The following SLC39A6 variants were observed in gnomAD, a reference collection of about 807,000 sequenced individuals.
SLC39A6 encodes the protein solute carrier family 39 member 6.
SLC39A6 carries 51 observed loss-of-function variants against 63.5 expected under a neutral mutation model. The observed-to-expected ratio is 0.80, with a 90% CI of 0.64 to 1.01. The LOEUF (loss-of-function observed/expected upper bound fraction) is 1.01, where lower values mean the gene tolerates loss of function less well. Among genes scored for constraint, SLC39A6 ranks in the 50% least tolerant of loss-of-function variants. The pLI is 0.00. For synonymous variants in SLC39A6, 318 were observed against 324.7 expected (o/e 0.98, Z 0.22); for missense variants, 805 against 927.8 (o/e 0.87, Z 1.72).
chr18:36,109,855 T>C (rs1260994341), intron 9 of SLC39A6, 110 bp from the exon 10 acceptor site: 1 of 797,470 alleles, frequency 1.3e-6, no homozygotes, highest in Non-Finnish European at 2.0e-6. Context: ...TGTAGCTAGA[T>C]ATACTGTGAG....
intron 1 of SLC39A6, among the ~76,000 whole-genome samples, chr18:36,128,338 G>A (rs1420211831): frequency 1.3e-5 from 2 of 152,180 alleles, no homozygotes; most frequent in African/African-American, 4.8e-5. Flanking sequence ...CTGTTCTTTG[G>A]ACAGGGCTCT....
intron 9 of SLC39A6, among the ~76,000 whole-genome samples, chr18:36,110,094 G>C (rs890473358): frequency 3.3e-5 from 5 of 152,146 alleles, no homozygotes; most frequent in African/African-American, 1.2e-4. Context: ...TTCAGAGATA[G>C]AAAACCTTAT....
At position 36,125,421 on chromosome 18, in the gene SLC39A6, A is replaced by AT. The variant is rs1434971026; in HGVS notation, c.790-722dup. The stretch of plus-strand genomic sequence containing the variant: ...CCAGTTTCTCATCTTCTGTAAAGAC[A>AT]TTTTCAACTCCCACCACAATTCTCA... On this transcript the variant is annotated intron_variant, in intron 2 of 9. Coordinates refer to ENST00000269187, the MANE Select transcript of SLC39A6 (RefSeq NM_012319.4). Among the ~76,000 whole-genome samples the AT allele has an allele frequency of 2.0e-5, 3 of 152,020 alleles. No individual in the cohort carries two copies. The East Asian group carries it at 5.8e-4, about 29-fold the overall frequency.
chr18:36,114,704 C>T (rs1256602267), intron 6 of SLC39A6, among the ~76,000 whole-genome samples: 2 of 152,136 alleles, frequency 1.3e-5, no homozygotes, highest in Non-Finnish European at 2.9e-5. Context: ...AAATGTTAAC[C>T]TTCAATAACT....
chr18:36,118,467 A>AT (rs545886654), intron 5 of SLC39A6, among the ~76,000 whole-genome samples: 227 of 152,316 alleles, frequency 1.5e-3, no homozygotes, highest in Non-Finnish European at 3.0e-3. Flanking sequence ...AAAAAATATA[A>AT]CTTATACCAA....
intron 2 of SLC39A6, among the ~76,000 whole-genome samples, chr18:36,125,350 G>GAAAAAAAAAAA (rs72307025): frequency 3.0e-5 from 4 of 134,042 alleles, no homozygotes; most frequent in Non-Finnish European, 3.2e-5. Context: ...AGCCAAAAAA[G>GAAAAAAAAAAA]AAAAAAAAAA....
intron 2 of SLC39A6, 87 bp downstream of exon 2, chr18:36,126,131 AC>A: frequency 3.9e-6 from 5 of 1,272,792 alleles, no homozygotes; most frequent in Non-Finnish European, 5.4e-6. Flanking sequence ...TTTTACTTTT[AC>A]TTTAAACTCC....
In SLC39A6 at chr18:36,126,754, T is replaced by C. The variant is rs1435297770; in HGVS notation, c.254A>G (p.Asp85Gly). 1.2e-6 allele frequency: 2 copies of C among 1,614,264 alleles called. No individual in the cohort carries two copies. Among genetic ancestry groups the C allele is most frequent in the Non-Finnish European group, 1.7e-6 (2 of 1,180,038 alleles). The change falls in exon 2 of 10, where the codon GAT becomes GGT. Residue 85 changes from aspartate (D) to glycine (G), a missense_variant. By Grantham distance (94) the Asp-to-Gly change is moderately conservative (BLOSUM62 -1). This residue lies in a region of SLC39A6 where 639 missense variants were observed against 644.0 expected (regional missense o/e 0.99). Coordinates refer to ENST00000269187, the MANE Select transcript of SLC39A6 (RefSeq NM_012319.4). ...FRKLLQNIGI[D>G]KIKRIHIHHD... ...GTGTATATGGATTCTTTTAATCTTA[T>C]CTATGCCTATATTTTGAAGTAATTT... is the stretch of plus-strand genomic sequence containing the variant.
intron 4 of SLC39A6, 32 bp downstream of exon 4, chr18:36,123,460 AATC>A: frequency 6.6e-7 from 1 of 1,521,186 alleles, no homozygotes; most frequent in Non-Finnish European, 8.8e-7. Flanking sequence ...AATGTTGAAT[AATC>A]AAACACTAAC....
At chr18:36,124,894 C>T (rs1188670169) in intron 2 of SLC39A6, among the ~76,000 whole-genome samples, 194 bp from the exon 3 acceptor site, 2 of 152,180 alleles carry the variant, frequency 1.3e-5, no homozygotes, top group Admixed American at 6.5e-5. Context: ...GGTATCCCAC[C>T]TCTTCTACCT....
intron 3 of SLC39A6, 115 bp from the exon 4 acceptor site, chr18:36,123,779 C>G (rs887323968): frequency 1.1e-5 from 11 of 1,041,802 alleles, no homozygotes; most frequent in Non-Finnish European, 1.5e-5. Flanking sequence ...GCTAAAAACA[C>G]ACAAATTCAA....
intron 8 of SLC39A6, 25 bp from the exon 9 acceptor site, chr18:36,111,274 G>A: frequency 3.7e-6 from 6 of 1,602,432 alleles, no homozygotes; most frequent in Non-Finnish European, 5.1e-6. Flanking sequence ...AAAAAAGGAG[G>A]AAAAAGTCAT....
In SLC39A6 at chr18:36,109,749, TA is replaced by T. The variant is rs763157211; in HGVS notation, c.2116-5del. Reference sequence around the variant, plus strand: ...CATTGTGCAGCATTTCAGGTACCTTTAAAAAAAAGTAAGGGAAAATAAGAGT... The same window carrying T: ...CATTGTGCAGCATTTCAGGTACCTTTAAAAAAAGTAAGGGAAAATAAGAGT... On this transcript the variant is annotated splice_polypyrimidine_tract_variant and splice_region_variant and intron_variant, in intron 9 of 9. Coordinates refer to ENST00000269187, the MANE Select transcript of SLC39A6 (RefSeq NM_012319.4). 8 of 1,583,174 alleles carry T rather than the reference TA, an allele frequency of 5.1e-6. No individual in the cohort carries two copies. The highest frequency in any genetic ancestry group is 1.2e-5 in the South Asian group (1 of 85,284).
In SLC39A6 at chr18:36,114,084, T is replaced by C; in HGVS notation, c.1843+13A>G. 4 of 1,558,336 alleles carry C rather than the reference T, an allele frequency of 2.6e-6. No individual in the cohort carries two copies. The South Asian group carries it at 4.9e-5, about 19-fold the overall frequency. ...AGAATCAATCAACAAGGAACAAATA[T>C]GTAGATATATACCAATTGCTAGGCC... On this transcript the variant is annotated intron_variant, in intron 7 of 9. Coordinates refer to ENST00000269187, the MANE Select transcript of SLC39A6 (RefSeq NM_012319.4).
At position 36,116,766 on chromosome 18, in the gene SLC39A6, G is replaced by A. The variant is rs2089349049; in HGVS notation, c.1373C>T (p.Pro458Leu). The A allele has an allele frequency of 3.1e-6, 5 of 1,609,702 alleles. No homozygotes were observed. The highest frequency in any genetic ancestry group is 1.7e-5 in the Admixed American group (1 of 59,648). Reference protein sequence around the residue: ...KDKKKKNQKKPENDDDVEIKK... With the variant: ...KDKKKKNQKKLENDDDVEIKK... ...AATCTCCACATCATCATCATTTTCA[G>A]GTTTCTTCTGATTCTAAAATAGTGA... Residue 458 changes from proline to leucine, a missense_variant, in exon 6 of 10, where the codon CCT becomes CTT. This residue lies in a region of SLC39A6 where 639 missense variants were observed against 644.0 expected (regional missense o/e 0.99). Coordinates refer to ENST00000269187, the MANE Select transcript of SLC39A6 (RefSeq NM_012319.4).
intron 9 of SLC39A6, among the ~76,000 whole-genome samples, chr18:36,110,439 A>C (rs2089291834): frequency 6.6e-6 from 1 of 150,812 alleles, no homozygotes; most frequent in Non-Finnish European, 1.5e-5. Flanking sequence ...AACAATCCAA[A>C]AAAAAAAAAA....
chr18:36,118,946 G>T (rs2089369337), intron 5 of SLC39A6, among the ~76,000 whole-genome samples: 1 of 152,158 alleles, frequency 6.6e-6, no homozygotes, highest in African/African-American at 2.4e-5. Context: ...ATTAAAACTT[G>T]GTTGGATGTG....
intron 7 of SLC39A6, among the ~76,000 whole-genome samples, chr18:36,113,105 T>C (rs915489038): frequency 1.3e-5 from 2 of 152,092 alleles, no homozygotes; most frequent in Non-Finnish European, 2.9e-5. Flanking sequence ...ATATATTTTT[T>C]TTTTTCAGAG....
chr18:36,110,994 T>C, intron 9 of SLC39A6, 65 bp downstream of exon 9: 1 of 1,590,598 alleles, frequency 6.3e-7, no homozygotes, highest in Non-Finnish European at 8.6e-7. Context: ...AAAATGAGGC[T>C]TTACCGAATA....
Sources: allele counts gnomAD v4.1 joint callset (sites outside exome capture counted in the v4.1 genomes callset), GRCh38; gene constraint gnomAD v4.1.1; regional missense constraint gnomAD v4.1.1; transcripts MANE v1.5; gene names NCBI Gene and HGNC (gene_info 2026-07-23, HGNC 2026-07-21).